The following IGF2R variants were observed in gnomAD, a reference collection of about 807,000 sequenced individuals.
IGF2R encodes cation-independent mannose-6-phosphate receptor.
Under a neutral mutation model 270.6 loss-of-function variants are expected in IGF2R, and 91 were observed. The observed-to-expected ratio is 0.34, with a 90% CI of 0.28 to 0.40. The LOEUF (loss-of-function observed/expected upper bound fraction) is 0.40, where lower values mean the gene tolerates loss of function less well. Ranked by LOEUF, IGF2R falls within the 10% of genes least tolerant of loss-of-function variation. IGF2R has a pLI of 1.00. For missense variants in IGF2R, 2,805 were observed against 3,188.3 expected (o/e 0.88, Z 2.90); for synonymous variants, 1,316 against 1,258.9 (o/e 1.05, Z -0.96).
rs533877561 is a variant in IGF2R, at chr6:159,993,577, G to A, written c.289+2254G>A. Among the ~76,000 whole-genome samples, 7 of 152,184 alleles carry A rather than the reference G, an allele frequency of 4.6e-5. No homozygotes were observed. In the East Asian group the frequency reaches 1.4e-3, roughly 29 times the overall value. ...GTTCTCTATTCTGTTCCATTGATCT[G>A]TGTGCCTATTTTTATATCAGTACCA... On this transcript the variant is annotated intron_variant, in intron 2 of 47. Transcript: ENST00000356956.
At chr6:160,053,674 A>G (rs1238877468) in intron 19 of IGF2R, among the ~76,000 whole-genome samples, 2 of 152,162 alleles carry the variant, frequency 1.3e-5, no homozygotes, top group Middle Eastern at 3.2e-3. Context: ...TATATTATAC[A>G]CATCTCTGGT....
chr6:159,969,939 A>AAT lies in IGF2R; in HGVS notation c.149+561_149+562dup, dbSNP rs146966761. On this transcript the variant is annotated intron_variant, in intron 1 of 47. Coordinates refer to ENST00000356956, the MANE Select transcript of IGF2R (RefSeq NM_000876.4). ...CCGTGGGCTCATTTTCTCTTTAAAG[A>AAT]ATATATATATATATATATTTTTAGC... 1.9e-3 allele frequency among the ~76,000 whole-genome samples: 279 copies of AAT among 149,620 alleles called. 1 individual carries two copies. The highest frequency in any genetic ancestry group is 6.9e-3 in the Middle Eastern group (2 of 288).
At position 160,034,427 on chromosome 6, in the gene IGF2R, A is replaced by T; in HGVS notation, c.1220A>T (p.Asp407Val). Residue 407 changes from aspartate (D) to valine (V), a missense_variant, in exon 10 of 48, where the codon GAT (aspartate) becomes GTT (valine). Asp to Val is a radical substitution (Grantham distance 152). This residue lies in a region of IGF2R where 954 missense variants were observed against 981.1 expected (regional missense o/e 0.97). Transcript: ENST00000356956. The stretch of plus-strand genomic sequence containing the variant: ...TATTCACAAAAATCTAGATATTCGG[A>T]TGGAGACCTCACCTTGATATATTTT... ...RYHNQTLRYS[D>V]GDLTLIYFGG... 6.3e-7 allele frequency: 1 copy of T among 1,596,220 alleles called. No individual in the cohort carries two copies. Among genetic ancestry groups the T allele is most frequent in the African/African-American group, 1.3e-5 (1 of 74,778 alleles).
chr6:160,049,220 G>A (rs1242756199), intron 18 of IGF2R, among the ~76,000 whole-genome samples: 1 of 152,176 alleles, frequency 6.6e-6, no homozygotes, highest in Non-Finnish European at 1.5e-5. Context: ...CTGCACATGT[G>A]TGTTCTTTAC....
chr6:160,105,300 C>T lies in IGF2R; in HGVS notation c.*216C>T. 1.9e-6 allele frequency: 1 copy of T among 536,956 alleles called. No individual in the cohort carries two copies. Among genetic ancestry groups the T allele is most frequent in the Non-Finnish European group, 3.3e-6 (1 of 304,840 alleles). 33.3% of individuals were successfully genotyped at this position (536,956 alleles called of 1,614,324 possible). A position where few individuals can be genotyped will look rare whatever the true frequency, so the allele number is the denominator to read the frequency against. ...GGAATAAGGCATGGCTCAGATCGGC[C>T]ACAGGGCGGTACCTTGTGCCCAGGG... On this transcript the variant is annotated 3_prime_UTR_variant, in exon 48 of 48. Coordinates refer to ENST00000356956, the MANE Select transcript of IGF2R (RefSeq NM_000876.4).
intron 1 of IGF2R, among the ~76,000 whole-genome samples, chr6:159,987,019 C>T (rs1387100927): frequency 6.6e-6 from 1 of 152,114 alleles, no homozygotes; most frequent in Admixed American, 6.5e-5. Flanking sequence ...TTTATTGCTT[C>T]TGAAACCATT....
chr6:160,071,930 C>A lies in IGF2R; in HGVS notation c.4464C>A (p.Ile1488=). ...ESQVNSRPMF[I]SAVEDCEYTF... is the part of the protein sequence containing the mutation. Reference sequence around the variant, plus strand: ...TGTAGAACTCCAGGCCCATGTTCATCAGCGCCGTGGAGGACTGTGAGTACA... The same window carrying A: ...TGTAGAACTCCAGGCCCATGTTCATAAGCGCCGTGGAGGACTGTGAGTACA... Residue 1488 remains isoleucine, a synonymous_variant, in exon 32 of 48, where the codon ATC becomes ATA. Coordinates refer to ENST00000356956, the MANE Select transcript of IGF2R (RefSeq NM_000876.4). 2 of 1,614,186 alleles carry A rather than the reference C, an allele frequency of 1.2e-6. No homozygotes were observed. Among genetic ancestry groups the A allele is most frequent in the East Asian group, 2.2e-5 (1 of 44,876 alleles).
intron 39 of IGF2R, 76 bp from the exon 40 acceptor site, chr6:160,083,874 G>C (rs1779039483): frequency 1.0e-6 from 1 of 982,872 alleles, no homozygotes; most frequent in Non-Finnish European, 1.6e-6. Flanking sequence ...TTTCAAAATG[G>C]AGTCTCTTAT....
chr6:160,075,148 A>G (rs970451724), intron 35 of IGF2R, among the ~76,000 whole-genome samples: 7 of 151,026 alleles, frequency 4.6e-5, no homozygotes, highest in Admixed American at 1.3e-4. Flanking sequence ...ACACACATTC[A>G]TCACATACAC....
rs748603411 is a variant in IGF2R at position 160,061,743 on chromosome 6, G to A, written c.3407-10G>A. 19 of 1,613,976 alleles carry A rather than the reference G, an allele frequency of 1.2e-5. No homozygotes were observed. The highest frequency in any genetic ancestry group is 2.2e-5 in the South Asian group (2 of 91,082). On this transcript the variant is annotated splice_polypyrimidine_tract_variant and intron_variant, in intron 24 of 47. Transcript: ENST00000356956. ...TCCTCATGCCCAAACCACTTATTCT[G>A]TTCTTCCAGGCAGCGCAGTGGGGTC... is the stretch of plus-strand genomic sequence containing the variant.
chr6:160,004,809 G>A lies in IGF2R; in HGVS notation c.290-4201G>A, dbSNP rs1784189744. ...CAAACCAAAGTGGACCCGCCTGCCT[G>A]TGCACCAGGGAAAGCCAAACACCAA... On this transcript the variant is annotated intron_variant, in intron 2 of 47. Coordinates refer to ENST00000356956, the MANE Select transcript of IGF2R (RefSeq NM_000876.4). This position sits in a 1 kb window ranked among gnomAD's most constrained non-coding sequence, Gnocchi z 5.2. 1 of 152,514 alleles carries A rather than the reference G, an allele frequency of 6.6e-6. No homozygotes were observed. Among genetic ancestry groups the A allele is most frequent in the African/African-American group, 2.4e-5 (1 of 41,416 alleles). 9.4% of individuals were successfully genotyped at this position (152,514 alleles called of 1,614,324 possible). A position where few individuals can be genotyped will look rare whatever the true frequency, so the allele number is the denominator to read the frequency against.
chr6:160,038,925 C>T (rs907463411), intron 10 of IGF2R, among the ~76,000 whole-genome samples: 8 of 152,194 alleles, frequency 5.3e-5, no homozygotes, highest in African/African-American at 1.9e-4. Context: ...GGCAGACCCT[C>T]AGGGTCTGAT....
intron 31 of IGF2R, among the ~76,000 whole-genome samples, chr6:160,070,897 G>C (rs1778705032): frequency 6.6e-6 from 1 of 152,210 alleles, no homozygotes; most frequent in Non-Finnish European, 1.5e-5. Context: ...AGATTGTGCA[G>C]AGGCTTAGTC....
chr6:159,984,349 A>G (rs555984960), intron 1 of IGF2R, among the ~76,000 whole-genome samples: 1 of 152,122 alleles, frequency 6.6e-6, no homozygotes, highest in Non-Finnish European at 1.5e-5. Context: ...TTGTGGTAAT[A>G]CTGCTGTAAA....
chr6:160,072,398 A>G (rs1429864509), intron 32 of IGF2R, among the ~76,000 whole-genome samples: 2 of 152,198 alleles, frequency 1.3e-5, no homozygotes, highest in Non-Finnish European at 2.9e-5. Context: ...GTGGATTGCC[A>G]GGAGTCTCTC....
intron 17 of IGF2R, 86 bp from the exon 18 acceptor site, chr6:160,048,289 C>G: frequency 7.6e-7 from 1 of 1,308,368 alleles, no homozygotes. Flanking sequence ...TATTTGGTAG[C>G]TTTACTTCCC....
chr6:160,066,290 C>A (rs1206751061), intron 29 of IGF2R, among the ~76,000 whole-genome samples: 1 of 151,322 alleles, frequency 6.6e-6, no homozygotes, highest in Non-Finnish European at 1.5e-5. Flanking sequence ...GCTGGGATTA[C>A]AAGTGTGAGC....
intron 1 of IGF2R, among the ~76,000 whole-genome samples, chr6:159,980,884 C>T (rs1238438837): frequency 6.6e-6 from 1 of 152,194 alleles, no homozygotes; most frequent in African/African-American, 2.4e-5. Flanking sequence ...AGCCCATCTA[C>T]AACTCTTCTT....
intron 4 of IGF2R, among the ~76,000 whole-genome samples, chr6:160,011,619 A>G (rs571142351): frequency 7.1e-4 from 105 of 147,918 alleles, no homozygotes; most frequent in Non-Finnish European, 1.3e-3. Context: ...AATAAATTAC[A>G]TTGTTATTAA....
Sources: allele counts gnomAD v4.1 joint callset (sites outside exome capture counted in the v4.1 genomes callset), GRCh38; gene constraint gnomAD v4.1.1; regional missense constraint gnomAD v4.1.1; non-coding constraint Gnocchi (gnomAD v3.1); transcripts MANE v1.5; gene names NCBI Gene and HGNC (gene_info 2026-07-23, HGNC 2026-07-21).